The following ARAP1 variants were observed in gnomAD, a reference collection of about 807,000 sequenced individuals.
ARAP1 encodes arf-GAP with Rho-GAP domain, ANK repeat and PH domain-containing protein 1.
ARAP1 carries 76 observed loss-of-function variants against 172.2 expected under a neutral mutation model. That is an observed-to-expected ratio of 0.44 (90% CI 0.37 to 0.53). ARAP1 has a LOEUF of 0.53. ARAP1 is among the 20% of genes least tolerant of loss of function. ARAP1 has a pLI of 0.00. For synonymous variants in ARAP1, 804 were observed against 803.3 expected (o/e 1.00, Z -0.01); for missense variants, 1,686 against 1,977.5 (o/e 0.85, Z 2.80).
chr11:72,716,732 C>T (rs935620089), intron 3 of ARAP1, among the ~76,000 whole-genome samples: 6 of 152,246 alleles, frequency 3.9e-5, no homozygotes, highest in Non-Finnish European at 2.9e-5. Flanking sequence ...CACTCCTGAG[C>T]TGTCACTTGG....
intron 2 of ARAP1, among the ~76,000 whole-genome samples, chr11:72,728,788 A>G (rs942534644): frequency 3.9e-5 from 6 of 152,248 alleles, no homozygotes; most frequent in African/African-American, 1.2e-4. Context: ...GACAAAAAGA[A>G]GACCTGGACA....
chr11:72,711,833 C>T (rs867289698), intron 7 of ARAP1, among the ~76,000 whole-genome samples: 1 of 151,672 alleles, frequency 6.6e-6, no homozygotes, highest in Non-Finnish European at 1.5e-5. Context: ...GTAGCCAAAA[C>T]TACAGGCATG....
Position 72,714,243 on chromosome 11 carries a change from G to A in ARAP1, c.588C>T (p.Ser196=), listed in dbSNP as rs1857174933. 1.3e-6 allele frequency: 2 copies of A among 1,531,080 alleles called. No individual in the cohort carries two copies. The highest frequency in any genetic ancestry group is 2.5e-5 in the East Asian group (1 of 39,980). 94.8% of individuals were successfully genotyped at this position (1,531,080 alleles called of 1,614,324 possible). A position where few individuals can be genotyped will look rare whatever the true frequency, so the allele number is the denominator to read the frequency against. Residue 196 remains serine (S), a synonymous_variant, in exon 4 of 35, where the codon TCC becomes TCT. Coordinates refer to ENST00000393609, the MANE Select transcript of ARAP1 (RefSeq NM_001040118.3). ...GCTGGGGAGGCCCCTGGGGGAGGGT[G>A]GACAGGGGCTCCTCAGACTGTGGCT... ...PPQPQSEEPL[S]TLPQGPPQPP...
rs376996581 is a variant in ARAP1, at chr11:72,701,796, G to A, written c.2168-13C>T. 1.9e-6 allele frequency: 3 copies of A among 1,612,382 alleles called. No homozygotes were observed. Among genetic ancestry groups the A allele is most frequent in the Non-Finnish European group, 2.5e-6 (3 of 1,179,038 alleles). On this transcript the variant is annotated splice_polypyrimidine_tract_variant and intron_variant, in intron 15 of 34. Coordinates refer to ENST00000393609, the MANE Select transcript of ARAP1 (RefSeq NM_001040118.3). ...AGCCGAGGCACCTCTTTGTAGGCGG[G>A]GAAAGGATGGCAGGTCATGCTGGCC... is the stretch of plus-strand genomic sequence containing the variant.
intron 1 of ARAP1, among the ~76,000 whole-genome samples, chr11:72,743,948 C>A (rs1858278406): frequency 6.6e-6 from 1 of 152,102 alleles, no homozygotes; most frequent in Non-Finnish European, 1.5e-5. Flanking sequence ...CTGGCTCCTG[C>A]CACCTGCCCC....
At chr11:72,745,366 T>C (rs1858331144) in intron 1 of ARAP1, among the ~76,000 whole-genome samples, 1 of 146,758 alleles carries the variant, frequency 6.8e-6, no homozygotes, top group Non-Finnish European at 1.5e-5. Context: ...TTTTTTTTTT[T>C]TTTTTTTTTT....
At chr11:72,713,328 C>G in intron 4 of ARAP1, 85 bp from the exon 5 acceptor site, 1 of 1,310,582 alleles carries the variant, frequency 7.6e-7, no homozygotes. Context: ...ACAAAGCCTC[C>G]CCCATGCCAA....
At chr11:72,722,531 G>A (rs1169661767) in intron 3 of ARAP1, among the ~76,000 whole-genome samples, 3 of 152,186 alleles carry the variant, frequency 2.0e-5, no homozygotes, top group Non-Finnish European at 4.4e-5. Flanking sequence ...CACTCCACCC[G>A]CATAAGGAGA....
chr11:72,685,258 AC>A lies in ARAP1; in HGVS notation c.*405del. On this transcript the variant is annotated 3_prime_UTR_variant, in exon 35 of 35. Coordinates refer to ENST00000393609, the MANE Select transcript of ARAP1 (RefSeq NM_001040118.3). Reference sequence around the variant, plus strand: ...CGTGAGCTGAGTGCTCCTCTACAGCACCCGCTTTCTGCTGTTCTGGAGTTTG... The same window carrying A: ...CGTGAGCTGAGTGCTCCTCTACAGCACCGCTTTCTGCTGTTCTGGAGTTTG... 1 of 232,736 alleles carries A rather than the reference AC, an allele frequency of 4.3e-6. No individual in the cohort carries two copies. Among genetic ancestry groups the A allele is most frequent in the South Asian group, 6.1e-5 (1 of 16,494 alleles). 14.4% of individuals were successfully genotyped at this position (232,736 alleles called of 1,614,324 possible).
intron 1 of ARAP1, among the ~76,000 whole-genome samples, chr11:72,746,590 TCA>T (rs1858372466): frequency 6.6e-6 from 1 of 152,236 alleles, no homozygotes; most frequent in East Asian, 1.9e-4. Flanking sequence ...GCCTAGAATC[TCA>T]GACTCAGAAT....
intron 1 of ARAP1, among the ~76,000 whole-genome samples, chr11:72,735,044 A>T (rs985920044): frequency 1.3e-5 from 2 of 151,986 alleles, no homozygotes. Context: ...GCAGTGGCAC[A>T]ATCTCTGCTC....
At chr11:72,685,932 C>A (rs757967133) in intron 34 of ARAP1, 110 bp downstream of exon 34, 6 of 1,588,266 alleles carry the variant, frequency 3.8e-6, no homozygotes, top group Non-Finnish European at 5.2e-6. Context: ...AGGGAGGGGG[C>A]CGGAGGGCAA....
At chr11:72,704,075 G>T in intron 14 of ARAP1, 77 bp downstream of exon 14, 1 of 1,581,788 alleles carries the variant, frequency 6.3e-7, no homozygotes. Context: ...GATGAGATGG[G>T]TTAAGACAGC....
At chr11:72,744,107 C>A (rs5008485) in intron 1 of ARAP1, among the ~76,000 whole-genome samples, 5 of 151,848 alleles carry the variant, frequency 3.3e-5, no homozygotes, top group Admixed American at 3.3e-4. Flanking sequence ...AAGCAGTCTC[C>A]GACTCCCACA....
chr11:72,711,204 C>G, intron 8 of ARAP1, 63 bp from the exon 9 acceptor site: 1 of 1,598,364 alleles, frequency 6.3e-7, no homozygotes, highest in Non-Finnish European at 8.5e-7. Context: ...CCAGCCTCAG[C>G]CAAAATGAAG....
chr11:72,722,652 A>G (rs1205576752), intron 3 of ARAP1, among the ~76,000 whole-genome samples: 4 of 152,202 alleles, frequency 2.6e-5, no homozygotes, highest in Non-Finnish European at 5.9e-5. Context: ...AGTCAAGGGC[A>G]CAGGAGGGAA....
Position 72,685,546 on chromosome 11 carries a change from TG to T in ARAP1, c.*117del. On this transcript the variant is annotated 3_prime_UTR_variant, in exon 35 of 35. Coordinates refer to ENST00000393609, the MANE Select transcript of ARAP1 (RefSeq NM_001040118.3). ...CAGTCAGGATGGAGGATGTGGGTTG[TG>T]GGGTGCAGTTTCCCATGCACCCCCC... 2 of 1,382,330 alleles carry T rather than the reference TG, an allele frequency of 1.4e-6. No individual in the cohort carries two copies. The highest frequency in any genetic ancestry group is 2.1e-6 in the Non-Finnish European group (2 of 973,742). 85.6% of individuals were successfully genotyped at this position (1,382,330 alleles called of 1,614,324 possible).
At chr11:72,703,330 G>A in intron 14 of ARAP1, 1 of 360,248 alleles carries the variant, frequency 2.8e-6, no homozygotes, top group Non-Finnish European at 5.0e-6. Context: ...CCTCACCCCT[G>A]CTGGCTGCCT....
intron 1 of ARAP1, among the ~76,000 whole-genome samples, chr11:72,746,276 T>A (rs1858361977): frequency 6.6e-6 from 1 of 152,136 alleles, no homozygotes; most frequent in Non-Finnish European, 1.5e-5. Context: ...TACCACCTAG[T>A]CTGCAGGGTT....
Sources: allele counts gnomAD v4.1 joint callset (sites outside exome capture counted in the v4.1 genomes callset), GRCh38; gene constraint gnomAD v4.1.1; transcripts MANE v1.5; gene names NCBI Gene and HGNC (gene_info 2026-07-23, HGNC 2026-07-21).